The following ZFHX3 variants were observed in gnomAD, a reference collection of about 807,000 sequenced individuals.
ZFHX3 encodes the protein zinc finger homeobox 3.
ZFHX3 carries 42 observed loss-of-function variants against 279.1 expected under a neutral mutation model. The ratio of observed to expected loss-of-function variants is 0.15; its 90% CI spans 0.12 to 0.19. The LOEUF (loss-of-function observed/expected upper bound fraction) is 0.19. Ranked by LOEUF, ZFHX3 falls within the 10% of genes least tolerant of loss-of-function variation. ZFHX3 has a pLI of 1.00. For missense variants in ZFHX3, 4,981 were observed against 4,754.0 expected (o/e 1.05, Z -1.40); for synonymous variants, 2,293 against 1,957.8 (o/e 1.17, Z -4.52).
intron 2 of ZFHX3, among the ~76,000 whole-genome samples, chr16:73,472,279 A>G (rs1228501725): frequency 6.6e-6 from 1 of 151,724 alleles, no homozygotes; most frequent in East Asian, 1.9e-4. Context: ...AAAAAAAAAA[A>G]AAAAAAAACA....
chr16:73,301,262 C>T (rs534904240), intron 4 of ZFHX3, among the ~76,000 whole-genome samples: 3 of 152,238 alleles, frequency 2.0e-5, no homozygotes, highest in Admixed American at 6.5e-5. Flanking sequence ...TTTAAAGAAA[C>T]CTCCTAGAGG....
At chr16:72,850,401 G>A (rs546817921) in intron 4 of ZFHX3, among the ~76,000 whole-genome samples, 181 of 152,354 alleles carry the variant, frequency 1.2e-3, no homozygotes, top group African/African-American at 4.3e-3. Context: ...GTAAATCTGT[G>A]CACACAAGTG....
chr16:73,448,720 G>GTGTGTGTA (rs2143553935), intron 3 of ZFHX3, among the ~76,000 whole-genome samples: 1 of 150,718 alleles, frequency 6.6e-6, no homozygotes, highest in East Asian at 1.9e-4. Flanking sequence ...GTGTGTGTGT[G>GTGTGTGTA]TATCTTCCTC....
At chr16:73,454,364 T>C (rs564648390) in intron 3 of ZFHX3, among the ~76,000 whole-genome samples, 3 of 152,250 alleles carry the variant, frequency 2.0e-5, no homozygotes, top group African/African-American at 7.2e-5. Flanking sequence ...TTCTTTGAAG[T>C]AGACTCGACA....
At chr16:73,771,030 C>T (rs552986103) in intron 1 of ZFHX3, among the ~76,000 whole-genome samples, 16 of 152,290 alleles carry the variant, frequency 1.1e-4, no homozygotes, top group African/African-American at 3.6e-4. Flanking sequence ...CACTTCACAT[C>T]TCTGGGCTTT....
rs145445679 is a variant in ZFHX3 at position 72,997,235 on chromosome 16, G to A, written c.-49-37041C>T. Among the ~76,000 whole-genome samples, 73 of 152,216 alleles carry A rather than the reference G, an allele frequency of 4.8e-4. 1 individual carries two copies. The East Asian group carries it at 0.011, about 23-fold the overall frequency. Reference sequence around the variant, plus strand: ...TAAGATCTGTCTTGCATATCATGGCGGTCTCCATCCCACTGGAGAATTCAA... The same window carrying A: ...TAAGATCTGTCTTGCATATCATGGCAGTCTCCATCCCACTGGAGAATTCAA... On this transcript the variant is annotated intron_variant, in intron 1 of 9. Transcript: ENST00000268489.
intron 5 of ZFHX3, among the ~76,000 whole-genome samples, chr16:73,196,319 C>T (rs1968148876): frequency 1.3e-5 from 2 of 152,036 alleles, no homozygotes; most frequent in Non-Finnish European, 2.9e-5. Context: ...TTCCTCAAGA[C>T]TGCAATAGGA....
intron 7 of ZFHX3, among the ~76,000 whole-genome samples, chr16:73,111,726 GA>G (rs1334506444): frequency 2.0e-5 from 3 of 151,570 alleles, no homozygotes; most frequent in African/African-American, 7.3e-5. Context: ...GGAAAGAAAA[GA>G]AAAGGACAGA....
At chr16:73,038,232 C>A (rs1964983386) in intron 1 of ZFHX3, among the ~76,000 whole-genome samples, 1 of 152,194 alleles carries the variant, frequency 6.6e-6, no homozygotes, top group Admixed American at 6.5e-5. Context: ...TCCCCCACCC[C>A]CCCAACTATC....
chr16:73,767,475 C>T (rs990553017), intron 1 of ZFHX3, among the ~76,000 whole-genome samples: 66 of 152,192 alleles, frequency 4.3e-4, no homozygotes, highest in African/African-American at 1.6e-3. Context: ...GGAGATTATC[C>T]TTACTGTTTA....
chr16:73,219,580 TG>T (rs1456190488), intron 5 of ZFHX3, among the ~76,000 whole-genome samples: 1 of 152,232 alleles, frequency 6.6e-6, no homozygotes, highest in Non-Finnish European at 1.5e-5. Flanking sequence ...CCCTGCTGTC[TG>T]AGGGGTACTG....
chr16:72,796,972 C>T lies in ZFHX3; in HGVS notation c.5710G>A (p.Gly1904Ser), dbSNP rs145361431. 78 of 1,613,984 alleles carry T rather than the reference C, an allele frequency of 4.8e-5. 1 individual carries two copies. The highest frequency in any genetic ancestry group is 2.1e-4 in the South Asian group (19 of 91,084). Residue 1904 changes from glycine to serine, a missense_variant, in exon 9 of 10, where the codon GGT becomes AGT. Transcript: ENST00000268489. Reference protein sequence around the residue: ...DSAEGGEGNTGPKETLPDALK... With the variant: ...DSAEGGEGNTSPKETLPDALK... The stretch of plus-strand genomic sequence containing the variant: ...GCATCTGGCAGTGTTTCCTTCGGAC[C>T]GGTGTTGCCCTCTCCCCCCTCGGCG...
chr16:73,854,727 CAAAAAAA>C (rs60003447), intron 1 of ZFHX3, among the ~76,000 whole-genome samples: 5 of 59,530 alleles, frequency 8.4e-5, no homozygotes, highest in East Asian at 1.1e-3. Context: ...CCACCTTCCA[CAAAAAAA>C]AAAAAAAAAA....
chr16:73,457,849 A>G (rs62044971), intron 2 of ZFHX3, among the ~76,000 whole-genome samples: 15,926 of 152,278 alleles, frequency 0.1, 1,196 homozygotes, highest in East Asian at 0.26. Flanking sequence ...GAAGGAATGC[A>G]TGGGAAGTTC....
intron 1 of ZFHX3, among the ~76,000 whole-genome samples, chr16:73,682,523 C>T (rs575514859): frequency 2.6e-5 from 4 of 152,018 alleles, no homozygotes; most frequent in Admixed American, 6.6e-5. Context: ...CGGTGGCTCA[C>T]GCCTGTAATC....
intron 1 of ZFHX3, among the ~76,000 whole-genome samples, chr16:73,735,905 T>G (rs78823358): frequency 0.79 from 116,376 of 147,352 alleles, 47,089 homozygotes; most frequent in Middle Eastern, 0.88. Context: ...TTTTTTTTTT[T>G]TTTTTTTTTT....
intron 1 of ZFHX3, chr16:73,813,995 C>G (rs1188469294): frequency 1.3e-5 from 2 of 152,208 alleles, no homozygotes; most frequent in Non-Finnish European, 2.9e-5. Flanking sequence ...TTGGGTATCA[C>G]TCTTAAGTTG....
At chr16:73,523,221 T>A (rs996170367) in intron 2 of ZFHX3, among the ~76,000 whole-genome samples, 2 of 152,232 alleles carry the variant, frequency 1.3e-5, no homozygotes, top group Non-Finnish European at 1.5e-5. Flanking sequence ...TTATTCAGGC[T>A]AAACGAGCAA....
chr16:73,840,070 G>C (rs940564902), intron 1 of ZFHX3, among the ~76,000 whole-genome samples: 2 of 152,074 alleles, frequency 1.3e-5, no homozygotes, highest in Non-Finnish European at 2.9e-5. Flanking sequence ...CCTAATCTTT[G>C]TCTCTGCACA....
Sources: allele counts gnomAD v4.1 joint callset (sites outside exome capture counted in the v4.1 genomes callset), GRCh38; gene constraint gnomAD v4.1.1; transcripts MANE v1.5; gene names NCBI Gene and HGNC (gene_info 2026-07-23, HGNC 2026-07-21).